PAPSS1: variants seen among roughly 807,000 people sequenced by gnomAD.
PAPSS1 encodes the protein 3'-phosphoadenosine 5'-phosphosulfate synthase 1.
In PAPSS1, 50 loss-of-function variants were observed where a neutral mutation model predicts 72.0. The ratio of observed to expected loss-of-function variants is 0.69; its 90% CI spans 0.55 to 0.88. PAPSS1 has a LOEUF of 0.88. Among genes scored for constraint, PAPSS1 ranks in the 40% least tolerant of loss-of-function variants. The pLI is 0.00. For missense variants in PAPSS1, 657 were observed against 782.2 expected (o/e 0.84, Z 1.91); for synonymous variants, 261 against 263.6 (o/e 0.99, Z 0.09).
intron 11 of PAPSS1, among the ~76,000 whole-genome samples, chr4:107,621,790 T>A (rs985913714): frequency 6.6e-6 from 1 of 151,528 alleles, no homozygotes; most frequent in Admixed American, 6.6e-5. Context: ...CTGGCTAATT[T>A]TTTTTTTGTA....
At chr4:107,673,248 T>C (rs749142925) in intron 5 of PAPSS1, among the ~76,000 whole-genome samples, 6 of 151,782 alleles carry the variant, frequency 4.0e-5, no homozygotes, top group Non-Finnish European at 7.4e-5. Flanking sequence ...AGGCTTCAGA[T>C]GATCAAACTA....
chr4:107,662,648 AT>A (rs1727214569), intron 5 of PAPSS1, among the ~76,000 whole-genome samples: 1 of 152,102 alleles, frequency 6.6e-6, no homozygotes, highest in African/African-American at 2.4e-5. Context: ...GATATAGCTT[AT>A]CTTCCAACTC....
chr4:107,646,884 A>G (rs890308636), intron 9 of PAPSS1, among the ~76,000 whole-genome samples: 4 of 152,186 alleles, frequency 2.6e-5, no homozygotes, highest in African/African-American at 9.7e-5. Flanking sequence ...TCAGAGGCTC[A>G]GTTTCCCTTC....
At chr4:107,651,504 TCA>T (rs1300218276) in intron 9 of PAPSS1, among the ~76,000 whole-genome samples, 1 of 152,166 alleles carries the variant, frequency 6.6e-6, no homozygotes, top group Non-Finnish European at 1.5e-5. Context: ...TTTAATTGAC[TCA>T]CAGTTCCACA....
intron 5 of PAPSS1, among the ~76,000 whole-genome samples, chr4:107,675,702 G>A (rs1168871528): frequency 1.3e-5 from 2 of 152,148 alleles, no homozygotes; most frequent in Non-Finnish European, 2.9e-5. Context: ...GCATCATCCT[G>A]CTACCAAAGC....
At chr4:107,699,041 T>C (rs1183346285) in intron 2 of PAPSS1, among the ~76,000 whole-genome samples, 1 of 152,070 alleles carries the variant, frequency 6.6e-6, no homozygotes, top group Non-Finnish European at 1.5e-5. Flanking sequence ...TATTACATAC[T>C]AGACCACAGA....
rs368108957 is a variant in PAPSS1 at position 107,654,722 on chromosome 4, C to T, written c.1074G>A (p.Thr358=). The change falls in exon 8 of 12, where the codon ACG becomes ACA. Residue 358 remains threonine (T), a synonymous_variant. Coordinates refer to ENST00000265174, the MANE Select transcript of PAPSS1 (RefSeq NM_005443.5). ...KEERCARQWG[T]TCKNHPYIKM... The stretch of plus-strand genomic sequence containing the variant: ...TAATATAGGGGTGGTTCTTGCATGT[C>T]GTTCCCCACTGTCTGGCACAGCGCT... 1.1e-5 allele frequency: 17 copies of T among 1,613,094 alleles called. No individual in the cohort carries two copies. The highest frequency in any genetic ancestry group is 5.3e-5 in the African/African-American group (4 of 74,860).
In PAPSS1 at chr4:107,656,917, G is replaced by A; in HGVS notation, c.874C>T (p.His292Tyr). 1 of 1,609,312 alleles carries A rather than the reference G, an allele frequency of 6.2e-7. No individual in the cohort carries two copies. The highest frequency in any genetic ancestry group is 1.1e-5 in the South Asian group (1 of 90,978). ...TTACCATCCAGAAGACAATCAAAATGAAGGCACTGCAAGTACTCCCTCTCT... is the reference window on the plus strand; with the variant it reads ...TTACCATCCAGAAGACAATCAAAATAAAGGCACTGCAAGTACTCCCTCTCT... ...MREREYLQCL[H>Y]FDCLLDGGVI... Residue 292 changes from histidine (H) to tyrosine (Y), a missense_variant, in exon 7 of 12, where the codon CAT becomes TAT. His to Tyr is a moderately conservative substitution (Grantham distance 83). Around this residue, in one of 7 missense-constraint regions of PAPSS1, gnomAD observed 190 missense variants for 176.7 expected, o/e 1.07. Transcript: ENST00000265174.
chr4:107,676,878 C>T (rs1271089025), intron 5 of PAPSS1, among the ~76,000 whole-genome samples: 1 of 151,842 alleles, frequency 6.6e-6, no homozygotes, highest in Non-Finnish European at 1.5e-5. Context: ...AGAAATAATG[C>T]CACATATCTA....
At chr4:107,638,895 G>C (rs1726459081) in intron 10 of PAPSS1, among the ~76,000 whole-genome samples, 1 of 152,124 alleles carries the variant, frequency 6.6e-6, no homozygotes, top group African/African-American at 2.4e-5. Context: ...CAGGGACTTG[G>C]AGAATTCAAA....
At chr4:107,690,250 C>G (rs1722881806) in intron 3 of PAPSS1, among the ~76,000 whole-genome samples, 1 of 152,166 alleles carries the variant, frequency 6.6e-6, no homozygotes, top group Non-Finnish European at 1.5e-5. Context: ...CTAGCCTCTG[C>G]AAATTGATCA....
intron 5 of PAPSS1, among the ~76,000 whole-genome samples, chr4:107,672,636 T>C (rs1177643142): frequency 1.3e-5 from 2 of 152,166 alleles, no homozygotes; most frequent in Non-Finnish European, 2.9e-5. Context: ...ACTCCACCTC[T>C]GGGGGCAGGG....
At chr4:107,674,542 A>G (rs1199989067) in intron 5 of PAPSS1, among the ~76,000 whole-genome samples, 1 of 152,244 alleles carries the variant, frequency 6.6e-6, no homozygotes, top group Non-Finnish European at 1.5e-5. Flanking sequence ...GTAAGTCCTT[A>G]GAGACCTAGA....
In PAPSS1 at chr4:107,654,810, A is replaced by C. The variant is rs535132190; in HGVS notation, c.986T>G (p.Met329Arg). The change falls in exon 8 of 12, where the codon ATG becomes AGG. Residue 329 changes from methionine (M) to arginine (R), a missense_variant. Physicochemically the swap from Met to Arg is moderately conservative, Grantham distance 91. Around this residue, in one of 7 missense-constraint regions of PAPSS1, gnomAD observed 190 missense variants for 176.7 expected, o/e 1.07. Coordinates refer to ENST00000265174, the MANE Select transcript of PAPSS1 (RefSeq NM_005443.5). ...AATGGCCACACGGCGGCCCTCATACATCAGAGCAAATGCTGTACAGCCGTC... is the reference window on the plus strand; with the variant it reads ...AATGGCCACACGGCGGCCCTCATACCTCAGAGCAAATGCTGTACAGCCGTC... ...RLDGCTAFALMYEGRRVAILR... is the reference protein window; with the variant it reads ...RLDGCTAFALRYEGRRVAILR... 6.2e-7 allele frequency: 1 copy of C among 1,614,058 alleles called. No homozygotes were observed. Among genetic ancestry groups the C allele is most frequent in the African/African-American group, 1.3e-5 (1 of 75,034 alleles).
intron 11 of PAPSS1, among the ~76,000 whole-genome samples, chr4:107,627,488 T>C (rs1052257396): frequency 1.3e-5 from 2 of 152,142 alleles, no homozygotes; most frequent in African/African-American, 4.8e-5. Flanking sequence ...TATAGATCTG[T>C]AGGAAGGCAC....
At chr4:107,667,592 T>A (rs554694311) in intron 5 of PAPSS1, among the ~76,000 whole-genome samples, 3 of 152,254 alleles carry the variant, frequency 2.0e-5, no homozygotes, top group African/African-American at 7.2e-5. Context: ...CCAGATGATA[T>A]CAGAGATCAA....
chr4:107,701,180 A>G lies in PAPSS1; in HGVS notation c.166T>C (p.Trp56Arg). ...TCTCTCTTGACCATACCTGTTAGCC[A>G]AACTGTGCAACCACGAAAGCCACCT... ...TRGGFRGCTV[W>R]LTGLSGAGKT... is the part of the protein sequence containing the mutation. Residue 56 changes from tryptophan (W) to arginine (R), a missense_variant, in exon 2 of 12, where the codon TGG (tryptophan) becomes CGG (arginine). This residue lies in a region of PAPSS1 where 119 missense variants were observed against 171.1 expected (regional missense o/e 0.70). Coordinates refer to ENST00000265174, the MANE Select transcript of PAPSS1 (RefSeq NM_005443.5). The G allele has an allele frequency of 6.2e-7, 1 of 1,612,046 alleles. No homozygotes were observed. The highest frequency in any genetic ancestry group is 8.5e-7 in the Non-Finnish European group (1 of 1,178,294).
chr4:107,693,044 T>C (rs1722976300), intron 3 of PAPSS1, among the ~76,000 whole-genome samples: 3 of 152,138 alleles, frequency 2.0e-5, no homozygotes, highest in Admixed American at 6.5e-5. Flanking sequence ...GATGCTGGGC[T>C]TAATACCTAG....
intron 3 of PAPSS1, among the ~76,000 whole-genome samples, chr4:107,690,002 T>C (rs138072909): frequency 0.012 from 1,833 of 152,200 alleles, 41 homozygotes; most frequent in African/African-American, 0.042. Context: ...AGCCCTTAAA[T>C]ATGCCCCCAT....
Sources: gnomAD v4.1 joint callset for allele counts (sites outside exome capture counted in the v4.1 genomes callset) on GRCh38, gnomAD v4.1.1 for gene constraint, gnomAD v4.1.1 regional missense constraint, MANE v1.5 for transcripts, NCBI Gene and HGNC (gene_info 2026-07-23, HGNC 2026-07-21) for gene names.